The following BARD1 variants were observed in gnomAD, a reference collection of about 807,000 sequenced individuals.
BARD1 encodes BRCA1 associated RING domain 1, also known as BRCA1-associated RING domain protein 1.
In BARD1, 73 loss-of-function variants were observed where a neutral mutation model predicts 77.0. The observed-to-expected ratio is 0.95, with a 90% confidence interval of 0.79 to 1.15. The LOEUF (loss-of-function observed/expected upper bound fraction) is 1.15. Among genes scored for constraint, BARD1 ranks in the 50% most tolerant of loss-of-function variants. BARD1 has a pLI of 0.00. For missense variants in BARD1, 993 were observed against 938.8 expected (o/e 1.06, Z -0.75); for synonymous variants, 384 against 338.0 (o/e 1.14, Z -1.49).
intron 7 of BARD1, among the ~76,000 whole-genome samples, chr2:214,749,579 A>G (rs886866515): frequency 6.6e-6 from 1 of 152,136 alleles, no homozygotes; most frequent in Non-Finnish European, 1.5e-5. Flanking sequence ...TGACACATTT[A>G]AAGTAATCAT....
chr2:214,730,318 T>G, intron 10 of BARD1, 93 bp downstream of exon 10: 1 of 1,063,742 alleles, frequency 9.4e-7, no homozygotes, highest in South Asian at 1.3e-5. Context: ...ATCAGTCACC[T>G]GTAGCTGTTG....
intron 1 of BARD1, among the ~76,000 whole-genome samples, chr2:214,802,112 G>A (rs963899174): frequency 2.0e-5 from 3 of 152,168 alleles, no homozygotes; most frequent in East Asian, 1.9e-4. Flanking sequence ...ACAATGGTTC[G>A]ACTCACAATT....
At chr2:214,779,411 G>A (rs962293565) in intron 4 of BARD1, among the ~76,000 whole-genome samples, 32 of 151,926 alleles carry the variant, frequency 2.1e-4, no homozygotes, top group African/African-American at 6.5e-4. Flanking sequence ...TTTTTATTGC[G>A]TATTGTTATT....
At chr2:214,785,736 AGAAAAAGAAGAACATTAGAAAC>A (rs1261831843) in intron 3 of BARD1, among the ~76,000 whole-genome samples, 14 of 152,118 alleles carry the variant, frequency 9.2e-5, no homozygotes, top group Admixed American at 5.2e-4. Flanking sequence ...AAAGAAAGAA[AGAAAAAGAAGAACATTAGAAAC>A]GGAGGAAAGT....
intron 3 of BARD1, among the ~76,000 whole-genome samples, chr2:214,788,374 A>T (rs1695369131): frequency 6.6e-6 from 1 of 152,086 alleles, no homozygotes; most frequent in Non-Finnish European, 1.5e-5. Flanking sequence ...GCAAAATTTG[A>T]CAATCTCCTC....
intron 2 of BARD1, among the ~76,000 whole-genome samples, chr2:214,795,399 G>C (rs1197759830): frequency 1.3e-5 from 2 of 152,128 alleles, no homozygotes; most frequent in Non-Finnish European, 1.5e-5. Context: ...AGGAAGACAG[G>C]TTCTAGGTCC....
chr2:214,750,632 GC>G (rs1410898474), intron 7 of BARD1, among the ~76,000 whole-genome samples: 3 of 152,034 alleles, frequency 2.0e-5, no homozygotes, highest in Non-Finnish European at 4.4e-5. Flanking sequence ...TGTTCAGGTA[GC>G]CCCCCTTTCA....
At chr2:214,736,350 T>A (rs1408885993) in intron 9 of BARD1, among the ~76,000 whole-genome samples, 1 of 152,050 alleles carries the variant, frequency 6.6e-6, no homozygotes, top group Non-Finnish European at 1.5e-5. Context: ...AAATTCACTA[T>A]TTTATATGTG....
chr2:214,797,282 T>C (rs1345617095), intron 1 of BARD1, among the ~76,000 whole-genome samples, 165 bp from the exon 2 acceptor site: 1 of 152,214 alleles, frequency 6.6e-6, no homozygotes, highest in African/African-American at 2.4e-5. Flanking sequence ...TGGTTAAATA[T>C]TGTACCATAA....
intron 9 of BARD1, among the ~76,000 whole-genome samples, chr2:214,740,297 G>A (rs1019019871): frequency 4.6e-5 from 7 of 151,940 alleles, no homozygotes; most frequent in Non-Finnish European, 1.0e-4. Context: ...ATACATGCAG[G>A]TTCTAATTTC....
At chr2:214,756,096 C>T (rs1228349824) in intron 6 of BARD1, among the ~76,000 whole-genome samples, 1 of 152,094 alleles carries the variant, frequency 6.6e-6, no homozygotes, top group Non-Finnish European at 1.5e-5. Flanking sequence ...TGTGTCCCCG[C>T]CCAAATCTCA....
intron 3 of BARD1, among the ~76,000 whole-genome samples, chr2:214,783,551 A>C (rs1248713378): frequency 6.6e-6 from 1 of 152,090 alleles, no homozygotes; most frequent in African/African-American, 2.4e-5. Flanking sequence ...ATCACACACC[A>C]GGGCCTGTCA....
chr2:214,759,611 T>G (rs996248962), intron 6 of BARD1, among the ~76,000 whole-genome samples: 3 of 152,116 alleles, frequency 2.0e-5, no homozygotes, highest in African/African-American at 7.2e-5. Flanking sequence ...ATAAAAACAG[T>G]AAGTTGCCAG....
rs1400642945 is a variant in BARD1, at chr2:214,781,239, G to C, written c.635C>G (p.Ala212Gly). 1.3e-6 allele frequency: 2 copies of C among 1,595,862 alleles called. No homozygotes were observed. Among genetic ancestry groups the C allele is most frequent in the Non-Finnish European group, 1.7e-6 (2 of 1,175,654 alleles). Reference sequence around the variant, plus strand: ...TAAATTCCATTTTTGGTTGATTTCAGCTAAAGTTTTCTTTTTTTGCTTTTT... The same window carrying C: ...TAAATTCCATTTTTGGTTGATTTCACCTAAAGTTTTCTTTTTTTGCTTTTT... Reference protein sequence around the residue: ...SGKKQKKKTLAEINQKWNLEA... With the variant: ...SGKKQKKKTLGEINQKWNLEA... The change falls in exon 4 of 11, where the codon GCT becomes GGT. Residue 212 changes from alanine (A) to glycine (G), a missense_variant. Ala to Gly is a moderately conservative substitution (Grantham distance 60). Transcript: ENST00000260947.
chr2:214,753,263 T>C (rs1574758213), intron 6 of BARD1, among the ~76,000 whole-genome samples: 3 of 152,174 alleles, frequency 2.0e-5, no homozygotes, highest in Admixed American at 2.0e-4. Context: ...CCTTGTTCAA[T>C]TTCACTGAAA....
intron 4 of BARD1, among the ~76,000 whole-genome samples, chr2:214,771,904 A>G (rs558030431): frequency 6.9e-6 from 1 of 145,212 alleles, no homozygotes; most frequent in African/African-American, 2.6e-5. Context: ...TAGGTTTCAA[A>G]TTAATTACCC....
At position 214,738,279 on chromosome 2, in the gene BARD1, G is replaced by T. The variant is rs529995294; in HGVS notation, c.1903+6788C>A. 6.6e-5 allele frequency among the ~76,000 whole-genome samples: 10 copies of T among 152,200 alleles called. No homozygotes were observed. The East Asian group carries it at 1.9e-3, about 29-fold the overall frequency. On this transcript the variant is annotated intron_variant, in intron 9 of 10. Coordinates refer to ENST00000260947, the MANE Select transcript of BARD1 (RefSeq NM_000465.4). ...TTCCTGATCATGTTCTCCATTTCATGTAAGCTTTCCTTTTTTCCTGAGATC... is the reference window on the plus strand; with the variant it reads ...TTCCTGATCATGTTCTCCATTTCATTTAAGCTTTCCTTTTTTCCTGAGATC...
intron 1 of BARD1, among the ~76,000 whole-genome samples, chr2:214,807,834 T>C (rs1186767056): frequency 6.6e-6 from 1 of 152,240 alleles, no homozygotes; most frequent in Non-Finnish European, 1.5e-5. Context: ...TGCTTCCACA[T>C]AGGTATGTGC....
intron 6 of BARD1, among the ~76,000 whole-genome samples, chr2:214,764,245 G>A: frequency 6.6e-6 from 1 of 152,158 alleles, no homozygotes; most frequent in Non-Finnish European, 1.5e-5. Flanking sequence ...ACAAACAAAT[G>A]TGGATACAGA....
Sources: gnomAD v4.1 joint callset for allele counts (sites outside exome capture counted in the v4.1 genomes callset) on GRCh38, gnomAD v4.1.1 for gene constraint, MANE v1.5 for transcripts, NCBI Gene and HGNC (gene_info 2026-07-23, HGNC 2026-07-21) for gene names.